Variants in PDE7B observed in about 807,000 individuals in gnomAD.
PDE7B encodes phosphodiesterase 7B.
A neutral mutation model predicts 56.2 loss-of-function variants in PDE7B; 29 were observed. The ratio of observed to expected loss-of-function variants is 0.52; its 90% CI spans 0.38 to 0.70. The LOEUF (loss-of-function observed/expected upper bound fraction) is 0.70, where lower values mean the gene tolerates loss of function less well. Ranked by LOEUF, PDE7B falls within the 30% of genes least tolerant of loss-of-function variation. The pLI is 0.00. For missense variants in PDE7B, 490 were observed against 565.0 expected (o/e 0.87, Z 1.35); for synonymous variants, 197 against 196.9 (o/e 1.00, Z 0.00).
intron 2 of PDE7B, among the ~76,000 whole-genome samples, chr6:136,073,517 C>T (rs989330018): frequency 3.3e-5 from 5 of 152,124 alleles, no homozygotes; most frequent in Non-Finnish European, 7.4e-5. Context: ...CCTCTCCCCT[C>T]GGCTTGTAGA....
intron 1 of PDE7B, among the ~76,000 whole-genome samples, chr6:135,885,452 A>G (rs1455314803): frequency 6.6e-6 from 1 of 152,014 alleles, no homozygotes; most frequent in Non-Finnish European, 1.5e-5. Flanking sequence ...TGTTTGAAAT[A>G]CCACTCTTCC....
At chr6:135,863,128 A>G (rs962533240) in intron 1 of PDE7B, among the ~76,000 whole-genome samples, 10 of 152,070 alleles carry the variant, frequency 6.6e-5, no homozygotes, top group African/African-American at 2.4e-4. Flanking sequence ...GTATTCTGCA[A>G]TTGTTAGGTA....
At chr6:135,975,815 A>T (rs62429924) in intron 2 of PDE7B, among the ~76,000 whole-genome samples, 124,421 of 151,634 alleles carry the variant, frequency 0.82, 51,414 homozygotes, top group African/African-American at 0.93. Context: ...TTAGGTGCCA[A>T]ATTTGTGTCA....
chr6:136,066,706 G>GA (rs1262857470), intron 2 of PDE7B, among the ~76,000 whole-genome samples: 1 of 151,894 alleles, frequency 6.6e-6, no homozygotes, highest in Non-Finnish European at 1.5e-5. Flanking sequence ...TCTTTAAAAA[G>GA]AAAAAAAGTT....
chr6:135,876,233 A>G (rs773120155), intron 1 of PDE7B, among the ~76,000 whole-genome samples: 2 of 152,146 alleles, frequency 1.3e-5, no homozygotes, highest in African/African-American at 2.4e-5. Flanking sequence ...CACCATGCCT[A>G]GCACAGAAGT....
At chr6:136,014,847 A>G (rs1258976233) in intron 2 of PDE7B, among the ~76,000 whole-genome samples, 2 of 152,194 alleles carry the variant, frequency 1.3e-5, no homozygotes, top group East Asian at 3.9e-4. Flanking sequence ...TCAATTCAGA[A>G]CTGAATCTGA....
intron 1 of PDE7B, among the ~76,000 whole-genome samples, chr6:135,881,013 C>T (rs1050733497): frequency 3.3e-5 from 5 of 152,062 alleles, no homozygotes; most frequent in African/African-American, 7.3e-5. Flanking sequence ...GTATGAAGTT[C>T]GCACATTTCT....
At chr6:135,923,971 G>A (rs1774137168) in intron 1 of PDE7B, among the ~76,000 whole-genome samples, 1 of 152,082 alleles carries the variant, frequency 6.6e-6, no homozygotes, top group Non-Finnish European at 1.5e-5. Flanking sequence ...AACTTCACTA[G>A]TAATCTAAGA....
At chr6:136,019,695 C>A (rs751688630) in intron 2 of PDE7B, among the ~76,000 whole-genome samples, 3 of 152,100 alleles carry the variant, frequency 2.0e-5, no homozygotes, top group African/African-American at 4.8e-5. Flanking sequence ...TGACCAGAAG[C>A]CTTACTGATA....
chr6:135,974,979 G>A (rs1269903459), intron 2 of PDE7B, among the ~76,000 whole-genome samples: 3 of 152,026 alleles, frequency 2.0e-5, no homozygotes, highest in Non-Finnish European at 4.4e-5. Flanking sequence ...AGGGTGAGGT[G>A]CAAGAGTGAG....
chr6:135,872,342 A>G (rs1775399214), intron 1 of PDE7B, among the ~76,000 whole-genome samples: 1 of 152,194 alleles, frequency 6.6e-6, no homozygotes, highest in Admixed American at 6.5e-5. Flanking sequence ...ACTTACCAAC[A>G]TTGCTCAGGC....
chr6:136,095,409 A>T (rs911249144), intron 2 of PDE7B, among the ~76,000 whole-genome samples: 2 of 152,178 alleles, frequency 1.3e-5, no homozygotes, highest in African/African-American at 4.8e-5. Context: ...GTGATTGGCA[A>T]AGCAGTTTTA....
In PDE7B at chr6:136,194,515, A is replaced by G. The variant is rs1655422412; in HGVS notation, c.*2675A>G. On this transcript the variant is annotated 3_prime_UTR_variant, in exon 13 of 13. Transcript: ENST00000308191. ...TTCTTGAGTTCCTCATTTGTTGGTA[A>G]AAAGAAAAAGAATGTGAAAATGTCT... The G allele has an allele frequency of 6.6e-6, 1 of 152,194 alleles. No individual in the cohort carries two copies. The highest frequency in any genetic ancestry group is 1.5e-5 in the Non-Finnish European group (1 of 68,032). 9.4% of individuals were successfully genotyped at this position (152,194 alleles called of 1,614,324 possible). A position where few individuals can be genotyped will look rare whatever the true frequency, so the allele number is the denominator to read the frequency against.
intron 2 of PDE7B, among the ~76,000 whole-genome samples, chr6:136,004,891 G>A (rs1283739634): frequency 5.3e-5 from 8 of 151,900 alleles, no homozygotes; most frequent in South Asian, 2.1e-4. Context: ...AGCCCACATC[G>A]CCAAGTCAAT....
rs1159656496 is a variant in PDE7B, at chr6:136,151,182, G to A, written c.405G>A (p.Leu135=). The A allele has an allele frequency of 6.2e-7, 1 of 1,609,752 alleles. No homozygotes were observed. The highest frequency in any genetic ancestry group is 8.5e-7 in the Non-Finnish European group (1 of 1,176,282). ...LTNGNSLVTL[L]CHLFNTHGLI... is the part of the protein sequence containing the mutation. ...CAGGAAACAGCCTGGTAACACTGTTGTGCCACCTCTTCAATACCCATGGAC... is the reference window on the plus strand; with the variant it reads ...CAGGAAACAGCCTGGTAACACTGTTATGCCACCTCTTCAATACCCATGGAC... Residue 135 remains leucine (L), a synonymous_variant, in exon 6 of 13, where the codon TTG becomes TTA. Transcript: ENST00000308191.
intron 3 of PDE7B, among the ~76,000 whole-genome samples, chr6:136,143,482 A>AT (rs1562504361): frequency 6.6e-6 from 1 of 152,070 alleles, no homozygotes; most frequent in Non-Finnish European, 1.5e-5. Context: ...TCTTAATGTA[A>AT]TATTTTTAAA....
chr6:136,127,964 A>G (rs1271367175), intron 3 of PDE7B, among the ~76,000 whole-genome samples: 1 of 152,234 alleles, frequency 6.6e-6, no homozygotes. Context: ...TTGAAGAATG[A>G]TTCTGGATGG....
At chr6:136,042,779 T>G (rs960312790) in intron 2 of PDE7B, among the ~76,000 whole-genome samples, 3 of 152,236 alleles carry the variant, frequency 2.0e-5, no homozygotes, top group Non-Finnish European at 4.4e-5. Flanking sequence ...ATCAAATATG[T>G]TGAAGAATGA....
chr6:135,982,038 C>G (rs997841378), intron 2 of PDE7B, among the ~76,000 whole-genome samples: 1 of 152,066 alleles, frequency 6.6e-6, no homozygotes, highest in South Asian at 2.1e-4. Flanking sequence ...TCCTATGGGA[C>G]CATCATTGTA....
Sources: allele counts gnomAD v4.1 joint callset (sites outside exome capture counted in the v4.1 genomes callset), GRCh38; gene constraint gnomAD v4.1.1; transcripts MANE v1.5; gene names NCBI Gene and HGNC (gene_info 2026-07-23, HGNC 2026-07-21).